Variants in CARMIL1 observed in about 807,000 individuals in gnomAD.
CARMIL1 encodes F-actin-uncapping protein LRRC16A.
In CARMIL1, 90 loss-of-function variants were observed where a neutral mutation model predicts 177.1. The observed-to-expected ratio is 0.51, with a 90% CI of 0.43 to 0.61. The LOEUF (loss-of-function observed/expected upper bound fraction) is 0.61. Ranked by LOEUF, CARMIL1 falls within the 20% of genes least tolerant of loss-of-function variation. The pLI, the probability that CARMIL1 is intolerant of heterozygous loss-of-function variation, is 0.00. For missense variants in CARMIL1, 1,380 were observed against 1,667.0 expected, an observed-to-expected ratio of 0.83 and a Z score of 3.00; for synonymous variants, 577 against 606.2, an observed-to-expected ratio of 0.95 and a Z score of 0.71.
chr6:25,457,415 T>G (rs1271815785), intron 8 of CARMIL1, among the ~76,000 whole-genome samples: 1 of 152,168 alleles, frequency 6.6e-6, no homozygotes, highest in East Asian at 1.9e-4. Flanking sequence ...TGGGAACTGT[T>G]TTAGGTATTT....
intron 2 of CARMIL1, among the ~76,000 whole-genome samples, chr6:25,403,313 A>C (rs993179109): frequency 1.3e-5 from 2 of 151,912 alleles, no homozygotes; most frequent in Non-Finnish European, 2.9e-5. Flanking sequence ...ACCTCTCAGC[A>C]CTCCTGCTAA....
intron 32 of CARMIL1, among the ~76,000 whole-genome samples, chr6:25,594,927 T>C (rs1483595079): frequency 1.3e-5 from 2 of 152,220 alleles, no homozygotes; most frequent in East Asian, 1.9e-4. Context: ...ATCATGGTTA[T>C]GCTGGAATTA....
chr6:25,616,609 G>GCATACATA (rs984563986), intron 36 of CARMIL1, among the ~76,000 whole-genome samples: 1 of 151,984 alleles, frequency 6.6e-6, no homozygotes, highest in African/African-American at 2.4e-5. Context: ...ATACATACAC[G>GCATACATA]CATACATACA....
intron 3 of CARMIL1, among the ~76,000 whole-genome samples, chr6:25,424,980 A>G (rs1292095441): frequency 1.3e-5 from 2 of 152,220 alleles, no homozygotes; most frequent in Non-Finnish European, 2.9e-5. Context: ...TTTATTCATA[A>G]ACTTTAAATT....
intron 24 of CARMIL1, among the ~76,000 whole-genome samples, chr6:25,529,858 AG>A (rs1807573970): frequency 6.6e-6 from 1 of 151,808 alleles, no homozygotes; most frequent in African/African-American, 2.4e-5. Flanking sequence ...GTGATACTGT[AG>A]TACAGAATTA....
intron 33 of CARMIL1, 138 bp from the exon 34 acceptor site, chr6:25,604,674 A>G: frequency 1.5e-6 from 1 of 663,544 alleles, no homozygotes. Context: ...GCCTATGGAG[A>G]CAGGTCAGGC....
intron 2 of CARMIL1, among the ~76,000 whole-genome samples, 191 bp from the exon 3 acceptor site, chr6:25,419,923 C>T (rs1000555680): frequency 6.6e-6 from 1 of 152,154 alleles, no homozygotes; most frequent in African/African-American, 2.4e-5. Flanking sequence ...AACTTTGATA[C>T]AGGGACTCTT....
At chr6:25,289,580 G>T (rs1476977602) in intron 2 of CARMIL1, among the ~76,000 whole-genome samples, 1 of 152,068 alleles carries the variant, frequency 6.6e-6, no homozygotes, top group African/African-American at 2.4e-5. Context: ...CCCTAACATT[G>T]CCTTTTTATA....
intron 2 of CARMIL1, among the ~76,000 whole-genome samples, chr6:25,320,656 A>G (rs1440478230): frequency 6.6e-6 from 1 of 152,168 alleles, no homozygotes; most frequent in Non-Finnish European, 1.5e-5. Flanking sequence ...TGTTTGGGAT[A>G]ACATTCCTTA....
chr6:25,472,347 A>G (rs2150943181), intron 10 of CARMIL1, 80 bp from the exon 11 acceptor site: 1 of 959,544 alleles, frequency 1.0e-6, no homozygotes, highest in African/African-American at 1.6e-5. Flanking sequence ...TTTAGATTTC[A>G]CTCTGTTCTA....
Position 25,515,399 on chromosome 6 carries a change from G to A in CARMIL1, c.1633-276G>A, listed in dbSNP as rs73734020. On this transcript the variant is annotated intron_variant, in intron 20 of 36. Coordinates refer to ENST00000329474, the MANE Select transcript of CARMIL1 (RefSeq NM_017640.6). This position sits in a 1 kb window ranked among gnomAD's most constrained non-coding sequence, Gnocchi z 5.0. ...TATTTCATCCTATCCTCTGCTTCAC[G>A]CTGGCAGTTGTCAGCCTGCATGTCT... Among the ~76,000 whole-genome samples the A allele has an allele frequency of 1.0e-3, 158 of 152,092 alleles. No homozygotes were observed. The highest frequency in any genetic ancestry group is 3.5e-3 in the African/African-American group (147 of 41,472).
chr6:25,534,684 T>A (rs212928), intron 24 of CARMIL1, among the ~76,000 whole-genome samples: 27,027 of 151,966 alleles, frequency 0.18, 2,569 homozygotes, highest in Middle Eastern at 0.23. Context: ...GTGAAGAAAA[T>A]AAAATGTTCA....
Position 25,279,444 on chromosome 6 carries a change from C to T in CARMIL1, c.-352C>T, listed in dbSNP as rs1318386810. 2 of 395,134 alleles carry T rather than the reference C, an allele frequency of 5.1e-6. No individual in the cohort carries two copies. Among genetic ancestry groups the T allele is most frequent in the Non-Finnish European group, 4.6e-6 (1 of 215,404 alleles). The allele number at this position is 395,134 out of a possible 1,614,324, so 24.5% of individuals were successfully genotyped here. On this transcript the variant is annotated 5_prime_UTR_variant, in exon 1 of 37. Coordinates refer to ENST00000329474, the MANE Select transcript of CARMIL1 (RefSeq NM_017640.6). Reference sequence around the variant, plus strand: ...CGCGGAGGCTGGGCGGGAGCTACGCCGGCCCAAGCCCCGCCGGGGACCAGC... The same window carrying T: ...CGCGGAGGCTGGGCGGGAGCTACGCTGGCCCAAGCCCCGCCGGGGACCAGC...
chr6:25,372,876 A>C (rs555915786), intron 2 of CARMIL1, among the ~76,000 whole-genome samples: 1 of 152,248 alleles, frequency 6.6e-6, no homozygotes, highest in Non-Finnish European at 1.5e-5. Flanking sequence ...GTTGGCTGTG[A>C]GTCTGTCATA....
intron 2 of CARMIL1, among the ~76,000 whole-genome samples, chr6:25,359,087 C>G (rs976916692): frequency 3.3e-5 from 5 of 152,160 alleles, no homozygotes; most frequent in Non-Finnish European, 7.3e-5. Context: ...AAGATGGACA[C>G]TGGGCACCAT....
chr6:25,440,850 G>C (rs796418877), intron 5 of CARMIL1, among the ~76,000 whole-genome samples: 1 of 151,858 alleles, frequency 6.6e-6, no homozygotes, highest in South Asian at 2.1e-4. Flanking sequence ...CCTGTCTTGG[G>C]GGTCCTCATC....
intron 2 of CARMIL1, among the ~76,000 whole-genome samples, chr6:25,413,130 A>G (rs1393531898): frequency 6.8e-6 from 1 of 146,278 alleles, no homozygotes; most frequent in Non-Finnish European, 1.5e-5. Flanking sequence ...GTGCCTCACC[A>G]CCTGCCCTTC....
At chr6:25,459,256 T>TTCTCTCTCTCTCTC (rs1270254958) in intron 8 of CARMIL1, among the ~76,000 whole-genome samples, 1 of 119,926 alleles carries the variant, frequency 8.3e-6, no homozygotes, top group African/African-American at 3.2e-5. Flanking sequence ...CTTTCTTTCT[T>TTCTCTCTCTCTCTC]TCTTTCTTTC....
chr6:25,387,470 C>T (rs184755314), intron 2 of CARMIL1, among the ~76,000 whole-genome samples: 200 of 152,316 alleles, frequency 1.3e-3, no homozygotes, highest in African/African-American at 4.4e-3. Context: ...ATAAGTTGTT[C>T]TGAATTTTCT....
Sources: gnomAD v4.1 joint callset for allele counts (sites outside exome capture counted in the v4.1 genomes callset) on GRCh38, gnomAD v4.1.1 for gene constraint, Gnocchi (gnomAD v3.1) non-coding constraint, MANE v1.5 for transcripts, NCBI Gene and HGNC (gene_info 2026-07-23, HGNC 2026-07-21) for gene names.